METTL6: variants seen among roughly 807,000 people sequenced by gnomAD.
METTL6 encodes the protein methyltransferase 6, tRNA N3-cytidine, also known as tRNA N(3)-cytidine methyltransferase METTL6.
Under a neutral mutation model 26.4 loss-of-function variants are expected in METTL6, and 22 were observed. That is an observed-to-expected ratio of 0.83 (90% CI 0.59 to 1.19). METTL6 has a LOEUF of 1.19. Among genes scored for constraint, METTL6 ranks in the 50% most tolerant of loss-of-function variants. METTL6 has a pLI of 0.00. For synonymous variants in METTL6, 109 were observed against 116.2 expected, an observed-to-expected ratio of 0.94 and a Z score of 0.40; for missense variants, 304 against 324.8, an observed-to-expected ratio of 0.94 and a Z score of 0.49.
chr3:15,381,799 T>C (rs1472451893), exon 7 of METTL6: 1 of 152,210 alleles, frequency 6.6e-6, no homozygotes, highest in Non-Finnish European at 1.5e-5. Context: ...TGTTTGGTAC[T>C]ATAAATAATG....
intron 3 of METTL6, among the ~76,000 whole-genome samples, chr3:15,420,022 C>T (rs560540630): frequency 6.6e-6 from 1 of 151,962 alleles, no homozygotes; most frequent in Non-Finnish European, 1.5e-5. Flanking sequence ...CCACCATGCC[C>T]GGCTAATTTT....
intron 2 of METTL6, among the ~76,000 whole-genome samples, chr3:15,425,767 T>C (rs1003909308): frequency 6.6e-6 from 1 of 152,082 alleles, no homozygotes; most frequent in Non-Finnish European, 1.5e-5. Flanking sequence ...CTTAAAGAAA[T>C]AGAAAACACC....
intron 6 of METTL6, among the ~76,000 whole-genome samples, chr3:15,395,095 G>T (rs1445744620): frequency 6.6e-6 from 1 of 152,116 alleles, no homozygotes; most frequent in Non-Finnish European, 1.5e-5. Flanking sequence ...ATGTGACAGT[G>T]GGGTGTTAAA....
chr3:15,390,189 A>G (rs142729968), intron 6 of METTL6, among the ~76,000 whole-genome samples: 3 of 152,186 alleles, frequency 2.0e-5, no homozygotes, highest in Non-Finnish European at 4.4e-5. Context: ...GCACTTCAGG[A>G]GGCCGAGGTG....
chr3:15,399,885 C>T (rs1699593957), intron 6 of METTL6, among the ~76,000 whole-genome samples: 1 of 152,002 alleles, frequency 6.6e-6, no homozygotes, highest in Non-Finnish European at 1.5e-5. Context: ...TTTGAGATGG[C>T]TATTCCAAGA....
At chr3:15,408,507 G>A (rs1336951268), downstream of METTL6, among the ~76,000 whole-genome samples, 3 of 149,282 alleles carry the variant, frequency 2.0e-5, no homozygotes, top group African/African-American at 7.4e-5. Context: ...AATTCCAAAT[G>A]ACTTCTGATA....
At position 15,410,454 on chromosome 3, in the gene METTL6, G is replaced by A. The variant is rs1315525161; in HGVS notation, c.*802C>T. ...CCTCCCACCCCAGCTGGGACTACAG[G>A]CACATGCCACCACATTTGGCTAATT... On this transcript the variant is annotated 3_prime_UTR_variant, in exon 6 of 6. Transcript: ENST00000383790. 2.0e-5 allele frequency among the ~76,000 whole-genome samples: 3 copies of A among 151,980 alleles called. No individual in the cohort carries two copies. The highest frequency in any genetic ancestry group is 6.6e-5 in the Admixed American group (1 of 15,250).
At chr3:15,383,142 G>A (rs961305718) in exon 7 of METTL6, 1 of 152,188 alleles carries the variant, frequency 6.6e-6, no homozygotes, top group Non-Finnish European at 1.5e-5. Context: ...CTGGTATAAT[G>A]AGTATTTTGA....
intron 1 of METTL6, among the ~76,000 whole-genome samples, chr3:15,426,868 T>G (rs550686107): frequency 1.3e-5 from 2 of 152,338 alleles, no homozygotes; most frequent in South Asian, 4.1e-4. Context: ...AGTCAACTAT[T>G]ACAATAAATC....
rs1575405938 is a variant in METTL6, at chr3:15,404,355, T to A, written c.*11+6890A>T. Among the ~76,000 whole-genome samples, 5 of 152,232 alleles carry A rather than the reference T, an allele frequency of 3.3e-5. No homozygotes were observed. In the South Asian group the frequency reaches 1.0e-3, roughly 32 times the overall value. ...AAACATCTGATTTATTTTACTTATT[T>A]ATTTGAGACGGAGTTTTGCTCTTGT... On this transcript the variant is annotated intron_variant, in intron 6 of 6. Coordinates refer to the METTL6 transcript ENST00000443029.
At chr3:15,398,150 GGC>G (rs758311402) in intron 6 of METTL6, among the ~76,000 whole-genome samples, 3 of 151,340 alleles carry the variant, frequency 2.0e-5, no homozygotes, top group Non-Finnish European at 4.4e-5. Flanking sequence ...TCTCCCACAT[GGC>G]ATGGCTGGCC....
At chr3:15,400,764 A>C (rs1162943359) in intron 6 of METTL6, among the ~76,000 whole-genome samples, 2 of 152,362 alleles carry the variant, frequency 1.3e-5, no homozygotes, top group East Asian at 3.8e-4. Context: ...ATAATTGAAC[A>C]ACCCTGAAAT....
At chr3:15,398,928 C>T (rs1699563728) in intron 6 of METTL6, among the ~76,000 whole-genome samples, 1 of 152,072 alleles carries the variant, frequency 6.6e-6, no homozygotes, top group Admixed American at 6.6e-5. Flanking sequence ...TGAGATAGGT[C>T]AGCACAATGT....
intron 6 of METTL6, among the ~76,000 whole-genome samples, chr3:15,385,557 C>G (rs1699170353): frequency 1.3e-5 from 2 of 152,130 alleles, no homozygotes; most frequent in Admixed American, 1.3e-4. Flanking sequence ...AAGATTGTGC[C>G]ACTGCACTCC....
chr3:15,414,915 C>T, intron 4 of METTL6: 1 of 1,118,010 alleles, frequency 8.9e-7, no homozygotes, highest in Non-Finnish European at 1.1e-6. Flanking sequence ...CAGCAAGACC[C>T]TGTCTCAAAA....
At chr3:15,392,126 G>A (rs1699366085) in intron 6 of METTL6, among the ~76,000 whole-genome samples, 1 of 152,332 alleles carries the variant, frequency 6.6e-6, no homozygotes, top group East Asian at 1.9e-4. Flanking sequence ...CAGTGTAAAA[G>A]TGATCCTATT....
At chr3:15,396,305 G>C (rs954795311) in intron 6 of METTL6, among the ~76,000 whole-genome samples, 7 of 152,168 alleles carry the variant, frequency 4.6e-5, no homozygotes, top group African/African-American at 1.4e-4. Flanking sequence ...TTGTGCATTT[G>C]TCACGTAGTT....
intron 6 of METTL6, among the ~76,000 whole-genome samples, chr3:15,403,264 C>T (rs1345807740): frequency 1.3e-5 from 2 of 152,142 alleles, no homozygotes; most frequent in African/African-American, 4.8e-5. Flanking sequence ...GTATGAGCCA[C>T]CATGCTGGGC....
At position 15,401,266 on chromosome 3, in the gene METTL6, C is replaced by T. The variant is rs560369798; in HGVS notation, c.*11+9979G>A. ...ATGTTAGCCAGGATGGTCTCGATCT[C>T]CTGACCTTGTGATCCGCCCGCCTCG... is the stretch of plus-strand genomic sequence containing the variant. On this transcript the variant is annotated intron_variant, in intron 6 of 6. Transcript: ENST00000443029. Among the ~76,000 whole-genome samples the T allele has an allele frequency of 2.0e-5, 3 of 152,164 alleles. No homozygotes were observed. The South Asian group carries it at 6.2e-4, about 32-fold the overall frequency.
Sources: gnomAD v4.1 joint callset for allele counts (sites outside exome capture counted in the v4.1 genomes callset) on GRCh38, gnomAD v4.1.1 for gene constraint, MANE v1.5 for transcripts, NCBI Gene and HGNC (gene_info 2026-07-23, HGNC 2026-07-21) for gene names.